Variants in TCF7L1 observed in about 807,000 individuals in gnomAD.
The protein encoded by TCF7L1 is transcription factor 7-like 1.
A neutral mutation model predicts 63.7 loss-of-function variants in TCF7L1; 18 were observed. That is an observed-to-expected ratio of 0.28 (90% CI 0.20 to 0.42). The LOEUF (loss-of-function observed/expected upper bound fraction) is 0.42, where lower values mean the gene tolerates loss of function less well. TCF7L1 is among the 10% of genes least tolerant of loss of function. The pLI, the probability that TCF7L1 is intolerant of heterozygous loss-of-function variation, is 1.00. For synonymous variants in TCF7L1, 355 were observed against 340.9 expected (o/e 1.04, Z -0.46); for missense variants, 654 against 779.3 (o/e 0.84, Z 1.91).
intron 3 of TCF7L1, among the ~76,000 whole-genome samples, chr2:85,212,827 G>A (rs892955634): frequency 1.3e-5 from 2 of 152,258 alleles, no homozygotes; most frequent in South Asian, 2.1e-4. Flanking sequence ...AGACGAACCC[G>A]CTGAGCAGGC....
At chr2:85,248,696 T>G (rs1244869884) in intron 3 of TCF7L1, among the ~76,000 whole-genome samples, 6 of 152,258 alleles carry the variant, frequency 3.9e-5, no homozygotes, top group Middle Eastern at 3.4e-3. Flanking sequence ...AGCGTTGTGC[T>G]TGTAGTTTTC....
chr2:85,160,123 CAT>C (rs1290858218), intron 3 of TCF7L1, among the ~76,000 whole-genome samples: 1 of 152,188 alleles, frequency 6.6e-6, no homozygotes, highest in African/African-American at 2.4e-5. Context: ...AGTTTTAACA[CAT>C]GTACAGATTC....
chr2:85,193,453 G>C (rs1679083662), intron 3 of TCF7L1, among the ~76,000 whole-genome samples: 1 of 152,172 alleles, frequency 6.6e-6, no homozygotes, highest in Non-Finnish European at 1.5e-5. Context: ...GGGAGGCCAA[G>C]GTGGCAGGAT....
Position 85,288,933 on chromosome 2 carries a change from C to T in TCF7L1, c.525+5355C>T, listed in dbSNP as rs905882969. On this transcript the variant is annotated intron_variant, in intron 4 of 11. Coordinates refer to ENST00000282111, the MANE Select transcript of TCF7L1 (RefSeq NM_031283.3). The stretch of plus-strand genomic sequence containing the variant: ...CTCTAGAATATAAGCAACACGAAGA[C>T]AGGAATCGCATCTGAGCGCCTGTTG... Among the ~76,000 whole-genome samples the T allele has an allele frequency of 5.9e-5, 9 of 152,108 alleles. No individual in the cohort carries two copies. In the East Asian group the frequency reaches 1.7e-3, roughly 29 times the overall value.
At chr2:85,229,877 A>C (rs1357037698) in intron 3 of TCF7L1, among the ~76,000 whole-genome samples, 1 of 152,130 alleles carries the variant, frequency 6.6e-6, no homozygotes, top group East Asian at 1.9e-4. Context: ...ACGTGGTGGC[A>C]CAGGCCTAGA....
At chr2:85,143,137 A>G (rs1278076554) in intron 3 of TCF7L1, among the ~76,000 whole-genome samples, 1 of 152,214 alleles carries the variant, frequency 6.6e-6, no homozygotes, top group African/African-American at 2.4e-5. Context: ...GCTCACACTC[A>G]TGCTCTCAAA....
intron 3 of TCF7L1, among the ~76,000 whole-genome samples, chr2:85,243,548 A>G (rs1182731145): frequency 6.6e-6 from 1 of 152,026 alleles, no homozygotes; most frequent in Non-Finnish European, 1.5e-5. Flanking sequence ...GTGTTTTCGG[A>G]ATTGTCTGGG....
chr2:85,257,873 T>A (rs962941039), intron 3 of TCF7L1, among the ~76,000 whole-genome samples: 1 of 152,236 alleles, frequency 6.6e-6, no homozygotes, highest in African/African-American at 2.4e-5. Context: ...TCATGGTTCC[T>A]TCCGGCTCTT....
chr2:85,217,714 A>G (rs1679741683), intron 3 of TCF7L1, among the ~76,000 whole-genome samples: 1 of 152,040 alleles, frequency 6.6e-6, no homozygotes, highest in African/African-American at 2.4e-5. Context: ...CCTTATCCAA[A>G]ATGTTTGGGG....
chr2:85,199,895 T>G (rs372451586), intron 3 of TCF7L1, among the ~76,000 whole-genome samples: 1 of 152,200 alleles, frequency 6.6e-6, no homozygotes, highest in African/African-American at 2.4e-5. Context: ...GAAAAAACCC[T>G]TAGCTGTTAG....
At chr2:85,308,505 TTTC>T (rs1205446151) in intron 11 of TCF7L1, among the ~76,000 whole-genome samples, 2 of 65,046 alleles carry the variant, frequency 3.1e-5, no homozygotes, top group African/African-American at 5.8e-5. Flanking sequence ...CCCCCCTCCC[TTTC>T]TTCTTCCCTC....
Position 85,305,273 on chromosome 2 carries a change from C to T in TCF7L1, c.859C>T (p.Arg287Trp), listed in dbSNP as rs759331320. The T allele has an allele frequency of 6.2e-6, 10 of 1,613,962 alleles. No homozygotes were observed. The highest frequency in any genetic ancestry group is 1.7e-5 in the Admixed American group (1 of 60,000). The part of the protein sequence containing the change: ...NASMSSLVSS[R>W]FSPHMVAPAH... Reference sequence around the variant, plus strand: ...TCCGGTGCACAGCCTGGTCTCCAGTCGGTTCTCTCCTCACATGGTGGCTCC... The same window carrying T: ...TCCGGTGCACAGCCTGGTCTCCAGTTGGTTCTCTCCTCACATGGTGGCTCC... Residue 287 changes from arginine (R) to tryptophan (W), a missense_variant, in exon 8 of 12, where the codon CGG (arginine) becomes TGG (tryptophan). Coordinates refer to ENST00000282111, the MANE Select transcript of TCF7L1 (RefSeq NM_031283.3).
intron 3 of TCF7L1, chr2:85,186,926 T>C (rs1237318102): frequency 6.6e-6 from 1 of 152,256 alleles, no homozygotes; most frequent in East Asian, 1.9e-4. Context: ...TTGACATGTA[T>C]ATACACTCCT....
chr2:85,286,618 T>C (rs1396948631), intron 4 of TCF7L1, among the ~76,000 whole-genome samples: 2 of 151,964 alleles, frequency 1.3e-5, no homozygotes, highest in South Asian at 2.1e-4. Flanking sequence ...GCCTCAGCCT[T>C]CCAAGTAGCT....
chr2:85,225,885 C>T (rs901473394), intron 3 of TCF7L1, among the ~76,000 whole-genome samples: 10 of 152,300 alleles, frequency 6.6e-5, no homozygotes, highest in African/African-American at 2.4e-4. Context: ...CTAGTTTTTG[C>T]TCATTCAGTA....
rs887183575 is a variant in TCF7L1 at position 85,283,552 on chromosome 2, A to C, written c.499A>C (p.Thr167Pro). 3.1e-6 allele frequency: 5 copies of C among 1,614,080 alleles called. No individual in the cohort carries two copies. The Admixed American group carries it at 5.0e-5, about 16-fold the overall frequency. The change falls in exon 4 of 12, where the codon ACG becomes CCG. Residue 167 changes from threonine (T) to proline (P), a missense_variant. Physicochemically the swap from Thr to Pro is conservative, Grantham distance 38. Coordinates refer to ENST00000282111, the MANE Select transcript of TCF7L1 (RefSeq NM_031283.3). ...DVPSSATVKD[T>P]RSPSPAHLSN... ...CCCCTCCAGCGCCACAGTCAAGGAC[A>C]CGAGGTCACCATCTCCAGCACACTT...
At chr2:85,153,263 C>G (rs1329545480) in intron 3 of TCF7L1, among the ~76,000 whole-genome samples, 1 of 151,660 alleles carries the variant, frequency 6.6e-6, no homozygotes, top group Non-Finnish European at 1.5e-5. Flanking sequence ...CTGGCACACA[C>G]AGCAAGGGTT....
intron 3 of TCF7L1, among the ~76,000 whole-genome samples, chr2:85,184,736 G>A (rs1238476044): frequency 2.0e-5 from 3 of 151,834 alleles, no homozygotes; most frequent in African/African-American, 4.9e-5. Context: ...GACTGAGGTG[G>A]CCCTGCTGAT....
At chr2:85,245,307 G>A (rs1002434386) in intron 3 of TCF7L1, among the ~76,000 whole-genome samples, 1 of 152,206 alleles carries the variant, frequency 6.6e-6, no homozygotes, top group African/African-American at 2.4e-5. Flanking sequence ...CACTTGCTTA[G>A]GATAGTGGGC....
Sources: gnomAD v4.1 joint callset for allele counts (sites outside exome capture counted in the v4.1 genomes callset) on GRCh38, gnomAD v4.1.1 for gene constraint, MANE v1.5 for transcripts, NCBI Gene and HGNC (gene_info 2026-07-23, HGNC 2026-07-21) for gene names.